ENO4: variants seen among roughly 807,000 people sequenced by gnomAD.
The protein encoded by ENO4 is 2-phospho-D-glycerate hydro-lyase.
ENO4 carries 53 observed loss-of-function variants against 63.2 expected under a neutral mutation model. That is an observed-to-expected ratio of 0.84 (90% CI 0.67 to 1.05). ENO4 has a LOEUF of 1.05. Among genes scored for constraint, ENO4 ranks in the 50% least tolerant of loss-of-function variants. ENO4 has a pLI of 0.00. For missense variants in ENO4, 719 were observed against 772.0 expected, an observed-to-expected ratio of 0.93 and a Z score of 0.81; for synonymous variants, 266 against 283.8, an observed-to-expected ratio of 0.94 and a Z score of 0.63.
chr10:116,853,984 T>C (rs1423818827), intron 1 of ENO4, among the ~76,000 whole-genome samples: 1 of 152,166 alleles, frequency 6.6e-6, no homozygotes. Context: ...TCCCTCCTTC[T>C]AGTCTCTCCT....
At chr10:116,864,340 T>G (rs957289344) in intron 7 of ENO4, 9 of 152,152 alleles carry the variant, frequency 5.9e-5, no homozygotes, top group African/African-American at 2.2e-4. Context: ...CTGGGCATTG[T>G]GGCAGGCGCC....
chr10:116,895,494 A>G (rs1337474041), intron 10 of ENO4, among the ~76,000 whole-genome samples: 2 of 152,180 alleles, frequency 1.3e-5, no homozygotes, highest in African/African-American at 4.8e-5. Flanking sequence ...ACTGGGTAAC[A>G]CTTTCCTCCC....
intron 10 of ENO4, among the ~76,000 whole-genome samples, chr10:116,895,938 C>T (rs1847501253): frequency 6.6e-6 from 1 of 152,114 alleles, no homozygotes; most frequent in South Asian, 2.1e-4. Context: ...TAGTGAAATA[C>T]AGTAACAACA....
intron 10 of ENO4, among the ~76,000 whole-genome samples, chr10:116,893,376 C>G (rs1238047973): frequency 6.6e-6 from 1 of 152,124 alleles, no homozygotes; most frequent in Admixed American, 6.5e-5. Flanking sequence ...GAGCTGTTTC[C>G]TGCAGTGTCA....
At chr10:116,872,625 T>C (rs1253795089) in intron 9 of ENO4, among the ~76,000 whole-genome samples, 1 of 152,214 alleles carries the variant, frequency 6.6e-6, no homozygotes, top group Admixed American at 6.5e-5. Context: ...CCTTTACAAA[T>C]TACTCAGTCT....
chr10:116,873,320 G>A (rs1051307915), intron 9 of ENO4, among the ~76,000 whole-genome samples: 1 of 152,108 alleles, frequency 6.6e-6, no homozygotes, highest in Non-Finnish European at 1.5e-5. Flanking sequence ...AAACCAAACA[G>A]CCACTCTGTT....
At chr10:116,856,771 G>A (rs758855274) in intron 3 of ENO4, 89 bp downstream of exon 3, 38 of 1,165,548 alleles carry the variant, frequency 3.3e-5, no homozygotes, top group Non-Finnish European at 4.4e-5. Context: ...GGAGGCCGAG[G>A]CGGGCAGATC....
chr10:116,881,073 G>A (rs1846992898), intron 13 of ENO4, among the ~76,000 whole-genome samples: 1 of 152,166 alleles, frequency 6.6e-6, no homozygotes. Flanking sequence ...CTTTAGAGTA[G>A]GAAATCTTGG....
Position 116,876,069 on chromosome 10 carries a change from C to T in ENO4, c.1346C>T (p.Ser449Phe). 1 of 1,538,610 alleles carries T rather than the reference C, an allele frequency of 6.5e-7. No homozygotes were observed. Among genetic ancestry groups the T allele is most frequent in the South Asian group, 1.2e-5 (1 of 81,300 alleles). ...AACTCTTAAATATTTACCCAGGACT[C>T]TGAACAGTGGGACAGCATCTATCAC... is the stretch of plus-strand genomic sequence containing the variant. ...ALIDPFRKED[S>F]EQWDSIYHAL... The change falls in exon 11 of 14, where the codon TCT becomes TTT. Residue 449 changes from serine (S) to phenylalanine (F), a missense_variant. Physicochemically the swap from Ser to Phe is radical, Grantham distance 155. Transcript: ENST00000341276.
intron 7 of ENO4, among the ~76,000 whole-genome samples, chr10:116,865,006 T>A (rs193296871): frequency 6.6e-6 from 1 of 151,776 alleles, no homozygotes; most frequent in African/African-American, 2.4e-5. Flanking sequence ...GGCAATAGAG[T>A]GAGACTCCGT....
chr10:116,878,875 C>G (rs942005974), intron 11 of ENO4, among the ~76,000 whole-genome samples: 1 of 151,276 alleles, frequency 6.6e-6, no homozygotes, highest in African/African-American at 2.4e-5. Flanking sequence ...TCGCGAGTAG[C>G]TGGGACTACA....
chr10:116,911,423 G>C (rs1042213982), intron 10 of ENO4: 4 of 1,525,518 alleles, frequency 2.6e-6, no homozygotes, highest in Non-Finnish European at 3.5e-6. Flanking sequence ...CTCCTTTTAG[G>C]CTTCAAAGTA....
chr10:116,899,770 C>T lies in ENO4; in HGVS notation c.1195-11729C>T, dbSNP rs536729725. Among the ~76,000 whole-genome samples the T allele has an allele frequency of 5.3e-5, 8 of 152,164 alleles. No individual in the cohort carries two copies. In the South Asian group the frequency reaches 8.3e-4, roughly 16 times the overall value. On this transcript the variant is annotated intron_variant, in intron 10 of 10. Coordinates refer to the ENO4 transcript ENST00000369207. ...ATACTTTACTTATTAATTGCTGACC[C>T]GACTTCAAAGTGCTTTGACAGGCCA... is the stretch of plus-strand genomic sequence containing the variant.
At chr10:116,852,784 C>A (rs1846125570) in intron 1 of ENO4, among the ~76,000 whole-genome samples, 1 of 152,112 alleles carries the variant, frequency 6.6e-6, no homozygotes, top group African/African-American at 2.4e-5. Flanking sequence ...CCCAGCCAAC[C>A]CCTCACTGTG....
intron 3 of ENO4, among the ~76,000 whole-genome samples, chr10:116,857,910 T>C (rs562653458): frequency 1.3e-5 from 2 of 152,348 alleles, no homozygotes; most frequent in African/African-American, 4.8e-5. Context: ...GTGCTGGGAT[T>C]AGAGGCATGA....
In ENO4 at chr10:116,856,482, T is replaced by A. The variant is rs1031473934; in HGVS notation, c.295-10T>A. 19 of 1,534,894 alleles carry A rather than the reference T, an allele frequency of 1.2e-5. No individual in the cohort carries two copies. The highest frequency in any genetic ancestry group is 1.2e-5 in the Non-Finnish European group (14 of 1,146,106). ...AGGGAAAGTGTTGAACACATTTATA[T>A]GATTTTCAGAACGTATGTTCTGTGG... On this transcript the variant is annotated splice_polypyrimidine_tract_variant and intron_variant, in intron 2 of 13. Transcript: ENST00000341276.
chr10:116,862,651 A>G, intron 6 of ENO4, 148 bp from the exon 7 acceptor site: 1 of 611,360 alleles, frequency 1.6e-6, no homozygotes, highest in Non-Finnish European at 2.9e-6. Flanking sequence ...GAAGATTAAC[A>G]TTTAATCTAC....
intron 10 of ENO4, among the ~76,000 whole-genome samples, chr10:116,894,661 G>A (rs1013639369): frequency 5.9e-5 from 9 of 152,154 alleles, no homozygotes; most frequent in Admixed American, 3.9e-4. Context: ...CCCTTTTGAA[G>A]TAAGGTTTTA....
intron 1 of ENO4, among the ~76,000 whole-genome samples, chr10:116,851,697 T>A (rs765496204): frequency 3.9e-5 from 6 of 152,150 alleles, no homozygotes; most frequent in African/African-American, 1.2e-4. Flanking sequence ...CTGGCCTTCA[T>A]GTGTGTGGTT....
Sources: allele counts gnomAD v4.1 joint callset (sites outside exome capture counted in the v4.1 genomes callset), GRCh38; gene constraint gnomAD v4.1.1; transcripts MANE v1.5; gene names NCBI Gene and HGNC (gene_info 2026-07-23, HGNC 2026-07-21).